Variants in CLDN14 observed in about 807,000 individuals in gnomAD.
The protein encoded by CLDN14 is claudin 14.
A neutral mutation model predicts 2.1 loss-of-function variants in CLDN14; 2 were observed. The observed-to-expected ratio is 0.96, with a 90% CI of 0.39 to 3.01. The LOEUF (loss-of-function observed/expected upper bound fraction) is 3.01. CLDN14 is among the 30% of genes most tolerant of loss of function. The probability of loss-of-function intolerance (pLI) is 0.09; values close to 1 mark genes in which losing one functional copy is unlikely to be tolerated. For synonymous variants in CLDN14, 136 were observed against 154.4 expected (o/e 0.88, Z 0.88); for missense variants, 298 against 328.0 (o/e 0.91, Z 0.71).
chr21:36,489,131 A>AAAAAAAAATATATATAT, intron 2 of CLDN14, among the ~76,000 whole-genome samples: 10 of 62,746 alleles, frequency 1.6e-4, no homozygotes, highest in African/African-American at 2.9e-4. Context: ...AAAAAAAAAA[A>AAAAAAAAATATATATAT]ATATATATAT....
At chr21:36,568,411 GA>G (rs905923271) in intron 1 of CLDN14, among the ~76,000 whole-genome samples, 2 of 152,170 alleles carry the variant, frequency 1.3e-5, no homozygotes, top group African/African-American at 4.8e-5. Context: ...TCCCAGCTAG[GA>G]AAAAAATGCC....
intron 1 of CLDN14, among the ~76,000 whole-genome samples, chr21:36,515,367 T>C (rs1382029256): frequency 6.6e-6 from 1 of 152,172 alleles, no homozygotes; most frequent in Admixed American, 6.5e-5. Context: ...GGGACATGAT[T>C]CAGCCTTAAA....
chr21:36,533,823 C>A (rs1454031722), intron 1 of CLDN14, among the ~76,000 whole-genome samples: 3 of 152,096 alleles, frequency 2.0e-5, no homozygotes, highest in South Asian at 4.1e-4. Flanking sequence ...GGGAACCACA[C>A]ACACTGGGGC....
intron 1 of CLDN14, among the ~76,000 whole-genome samples, chr21:36,552,591 CTG>C (rs1341976547): frequency 2.6e-5 from 4 of 152,182 alleles, no homozygotes; most frequent in Non-Finnish European, 5.9e-5. Flanking sequence ...AGGCTCATAA[CTG>C]AGCCAGAAAA....
At position 36,460,931 on chromosome 21, in the gene CLDN14, G is replaced by A. The variant is rs1456831494; in HGVS notation, c.*45C>T. ...CTGCCTCCATTGACAGTCCCGCCGGGGACCCAGCCCACAGCAGCCCAGGGG... is the reference window on the plus strand; with the variant it reads ...CTGCCTCCATTGACAGTCCCGCCGGAGACCCAGCCCACAGCAGCCCAGGGG... On this transcript the variant is annotated 3_prime_UTR_variant, in exon 2 of 2. Coordinates refer to ENST00000399135, the MANE Select transcript of CLDN14 (RefSeq NM_001146079.2). This position sits in a 1 kb window ranked among gnomAD's most constrained non-coding sequence, Gnocchi z 4.0. 6.3e-7 allele frequency: 1 copy of A among 1,597,366 alleles called. No individual in the cohort carries two copies. The highest frequency in any genetic ancestry group is 1.7e-5 in the Admixed American group (1 of 57,816).
chr21:36,467,215 G>A (rs1267436401), intron 1 of CLDN14, among the ~76,000 whole-genome samples: 2 of 152,144 alleles, frequency 1.3e-5, no homozygotes, highest in Non-Finnish European at 2.9e-5. Context: ...CTTTAAAAAA[G>A]CAGGGTTCTG....
At chr21:36,511,928 G>C (rs556720327) in intron 1 of CLDN14, among the ~76,000 whole-genome samples, 1 of 152,274 alleles carries the variant, frequency 6.6e-6, no homozygotes, top group East Asian at 1.9e-4. Context: ...ATGTAGCTGT[G>C]ACTGCCTCAA....
At chr21:36,536,805 C>T (rs1013459296) in intron 1 of CLDN14, among the ~76,000 whole-genome samples, 1 of 152,160 alleles carries the variant, frequency 6.6e-6, no homozygotes, top group Non-Finnish European at 1.5e-5. Context: ...GATAAGATGT[C>T]AATAAACCTG....
At chr21:36,485,875 C>T (rs1239442884) in intron 2 of CLDN14, 3 of 554,016 alleles carry the variant, frequency 5.4e-6, no homozygotes, top group East Asian at 3.4e-5. Context: ...TTTATGTTGC[C>T]AAGCTTTATT....
At chr21:36,533,764 C>T (rs532242352) in intron 1 of CLDN14, among the ~76,000 whole-genome samples, 69 of 152,276 alleles carry the variant, frequency 4.5e-4, no homozygotes, top group African/African-American at 1.6e-3. Context: ...ACTGCATGTT[C>T]TCACTTATAA....
chr21:36,492,206 G>A (rs1165391356), intron 2 of CLDN14, among the ~76,000 whole-genome samples: 5 of 125,066 alleles, frequency 4.0e-5, no homozygotes, highest in Non-Finnish European at 7.9e-5. Context: ...AGGCCGAGGC[G>A]GGTGGATCAT....
At chr21:36,491,420 C>T (rs778774831) in intron 2 of CLDN14, among the ~76,000 whole-genome samples, 5 of 152,146 alleles carry the variant, frequency 3.3e-5, no homozygotes, top group Non-Finnish European at 5.9e-5. Context: ...GAATGTAGTG[C>T]GTGTCAGCGA....
intron 1 of CLDN14, among the ~76,000 whole-genome samples, chr21:36,561,926 A>G (rs888331451): frequency 1.5e-5 from 2 of 130,520 alleles, no homozygotes; most frequent in African/African-American, 5.4e-5. Context: ...AGATTGAAGG[A>G]ACCCTTTCTC....
intron 1 of CLDN14, among the ~76,000 whole-genome samples, chr21:36,518,966 A>G (rs980732568): frequency 3.3e-5 from 5 of 152,134 alleles, no homozygotes; most frequent in Non-Finnish European, 7.3e-5. Context: ...TTTCTCTCCC[A>G]GTTATTATCA....
chr21:36,519,337 T>C (rs570138878), intron 1 of CLDN14, among the ~76,000 whole-genome samples: 1 of 152,330 alleles, frequency 6.6e-6, no homozygotes, highest in Non-Finnish European at 1.5e-5. Context: ...TTGTCCTCAC[T>C]TTGGGAGGCC....
At chr21:36,571,646 C>T (rs117038289) in intron 1 of CLDN14, among the ~76,000 whole-genome samples, 1 of 152,246 alleles carries the variant, frequency 6.6e-6, no homozygotes, top group East Asian at 1.9e-4. Context: ...ACTTCAAACC[C>T]ACCCATAAAC....
chr21:36,517,172 TAAAAG>T (rs1441304274), intron 1 of CLDN14, among the ~76,000 whole-genome samples: 3 of 152,152 alleles, frequency 2.0e-5, no homozygotes, highest in Non-Finnish European at 4.4e-5. Flanking sequence ...TAAAAAAAAT[TAAAAG>T]AAGAATATCT....
At chr21:36,486,520 AC>A in intron 2 of CLDN14, 2 of 1,565,170 alleles carry the variant, frequency 1.3e-6, no homozygotes, top group Non-Finnish European at 1.8e-6. Context: ...CCAGCATGGC[AC>A]CCCCTTCCCC....
intron 2 of CLDN14, among the ~76,000 whole-genome samples, chr21:36,501,720 C>G (rs2087093924): frequency 6.6e-6 from 1 of 152,130 alleles, no homozygotes; most frequent in Admixed American, 6.6e-5. Context: ...CTCTGTTAGT[C>G]TCTCTTTTCA....
Sources: gnomAD v4.1 joint callset for allele counts (sites outside exome capture counted in the v4.1 genomes callset) on GRCh38, gnomAD v4.1.1 for gene constraint, Gnocchi (gnomAD v3.1) non-coding constraint, MANE v1.5 for transcripts, NCBI Gene and HGNC (gene_info 2026-07-23, HGNC 2026-07-21) for gene names.